Variants in SLC22A8 observed in about 807,000 individuals in gnomAD.
SLC22A8 encodes the protein solute carrier family 22 member 8, also known as organic anion transporter 3.
Under a neutral mutation model 48.4 loss-of-function variants are expected in SLC22A8, and 40 were observed. The observed-to-expected ratio is 0.83, with a 90% CI of 0.64 to 1.08. The LOEUF (loss-of-function observed/expected upper bound fraction) is 1.08, where lower values mean the gene tolerates loss of function less well. Among genes scored for constraint, SLC22A8 ranks in the 50% least tolerant of loss-of-function variants. SLC22A8 has a pLI of 0.00. For missense variants in SLC22A8, 606 were observed against 699.0 expected, an observed-to-expected ratio of 0.87 and a Z score of 1.50; for synonymous variants, 268 against 286.3, an observed-to-expected ratio of 0.94 and a Z score of 0.65.
intron 2 of SLC22A8, among the ~76,000 whole-genome samples, chr11:63,007,734 G>A (rs535767037): frequency 6.6e-6 from 1 of 152,224 alleles, no homozygotes; most frequent in Non-Finnish European, 1.5e-5. Context: ...ATGCCTTTCT[G>A]TATGGGCTGA....
At position 62,999,818 on chromosome 11, in the gene SLC22A8, G is replaced by A. The variant is rs1590692721; in HGVS notation, c.462C>T (p.Thr154=). 2 of 1,592,024 alleles carry A rather than the reference G, an allele frequency of 1.3e-6. No homozygotes were observed. Among genetic ancestry groups the A allele is most frequent in the East Asian group, 4.6e-5 (2 of 43,540 alleles). The part of the protein sequence containing the change: ...SDRFGRRPIL[T]CSYLLLAASG... ...TGGCTGCCAGCAGCAGGTAGCTGCAGGTCAGGATGGGCCTGCGGCCAAACC... is the reference window on the plus strand; with the variant it reads ...TGGCTGCCAGCAGCAGGTAGCTGCAAGTCAGGATGGGCCTGCGGCCAAACC... The change falls in exon 4 of 11, where the codon ACC becomes ACT. Residue 154 remains threonine, a synonymous_variant. Coordinates refer to ENST00000336232, the MANE Select transcript of SLC22A8 (RefSeq NM_004254.4).
chr11:62,993,024 TG>T lies in SLC22A8; in HGVS notation c.*212del. 3.5e-6 allele frequency: 2 copies of T among 578,764 alleles called. No homozygotes were observed. The highest frequency in any genetic ancestry group is 4.5e-5 in the South Asian group (2 of 44,212). 35.9% of individuals were successfully genotyped at this position (578,764 alleles called of 1,614,324 possible). A position where few individuals can be genotyped will look rare whatever the true frequency, so the allele number is the denominator to read the frequency against. On this transcript the variant is annotated 3_prime_UTR_variant, in exon 11 of 11. Coordinates refer to ENST00000336232, the MANE Select transcript of SLC22A8 (RefSeq NM_004254.4). ...GGCTAGACAGAAGAATGGCAGGGCCTGGGTTGCAGGGAGAACAAGGGCAGGG... is the reference window on the plus strand; with the variant it reads ...GGCTAGACAGAAGAATGGCAGGGCCTGGTTGCAGGGAGAACAAGGGCAGGG...
chr11:63,001,437 C>T (rs1489826316), intron 2 of SLC22A8, among the ~76,000 whole-genome samples: 1 of 152,196 alleles, frequency 6.6e-6, no homozygotes, highest in Non-Finnish European at 1.5e-5. Flanking sequence ...CACTTCTGCC[C>T]CCAACCCATC....
intron 8 of SLC22A8, 21 bp downstream of exon 8, chr11:62,994,520 TG>T: frequency 6.4e-7 from 1 of 1,565,892 alleles, no homozygotes; most frequent in Non-Finnish European, 8.7e-7. Context: ...CAGAGGGTTC[TG>T]GGGTAGCCCC....
chr11:63,003,050 C>T (rs1367860010), intron 2 of SLC22A8, among the ~76,000 whole-genome samples: 2 of 152,164 alleles, frequency 1.3e-5, no homozygotes, highest in East Asian at 3.9e-4. Flanking sequence ...CCTGTCTTGC[C>T]TAAAGTGCTC....
At position 63,014,663 on chromosome 11, in the gene SLC22A8, C is replaced by T. The variant is rs928963210; in HGVS notation, c.296G>A (p.Trp99Ter). 1.9e-6 allele frequency: 3 copies of T among 1,609,946 alleles called. No individual in the cohort carries two copies. The highest frequency in any genetic ancestry group is 2.2e-5 in the East Asian group (1 of 44,760). The part of the protein sequence containing the change: ...QRAMEPCLDG[W>*]VYNSTKDSIV... ...GGAGTCCTTGGTGCTGTTGTAGACC[C>T]AGCCATCCAGGCATGGCTCCATGGC... The change falls in exon 2 of 11, where the codon TGG becomes TAG. Residue 99 changes from tryptophan to a stop codon, truncating the protein, a stop_gained. Coordinates refer to ENST00000336232, the MANE Select transcript of SLC22A8 (RefSeq NM_004254.4). LOFTEE classifies it high-confidence loss of function.
rs896974322 is a variant in SLC22A8, at chr11:62,993,817, G to A, written c.1278C>T (p.Phe426=). Residue 426 remains phenylalanine (F), a synonymous_variant, in exon 9 of 11, where the codon TTC becomes TTT. Transcript: ENST00000336232. ...CACTTGTGTAGAGGAAGAGGCAGCTGAAGGAGCTGGATAGGCATCCCTTCC... is the reference window on the plus strand; with the variant it reads ...CACTTGTGTAGAGGAAGAGGCAGCTAAAGGAGCTGGATAGGCATCCCTTCC... ...VFGKGCLSSS[F]SCLFLYTSEL... is the part of the protein sequence containing the mutation. The A allele has an allele frequency of 6.2e-7, 1 of 1,613,840 alleles. No individual in the cohort carries two copies.
Position 62,992,900 on chromosome 11 carries a change from C to T in SLC22A8, c.*337G>A. 2 of 319,180 alleles carry T rather than the reference C, an allele frequency of 6.3e-6. No homozygotes were observed. Among genetic ancestry groups the T allele is most frequent in the Non-Finnish European group, 1.1e-5 (2 of 174,232 alleles). The allele number at this position is 319,180 out of a possible 1,614,324, so 19.8% of individuals were successfully genotyped here. A position where few individuals can be genotyped will look rare whatever the true frequency, so the allele number is the denominator to read the frequency against. On this transcript the variant is annotated 3_prime_UTR_variant, in exon 11 of 11. Coordinates refer to ENST00000336232, the MANE Select transcript of SLC22A8 (RefSeq NM_004254.4). Reference sequence around the variant, plus strand: ...AGGCAAGAAGGGGAGGACTTCTCATCTTGTTAAGACTCAGTCTTGTTAGGA... The same window carrying T: ...AGGCAAGAAGGGGAGGACTTCTCATTTTGTTAAGACTCAGTCTTGTTAGGA...
At chr11:63,012,936 G>A (rs930552840) in intron 2 of SLC22A8, among the ~76,000 whole-genome samples, 1 of 152,134 alleles carries the variant, frequency 6.6e-6, no homozygotes, top group Non-Finnish European at 1.5e-5. Flanking sequence ...ATGACAGGGA[G>A]GAGATATAAT....
intron 2 of SLC22A8, among the ~76,000 whole-genome samples, chr11:63,006,519 C>T (rs1260755692): frequency 6.7e-6 from 1 of 149,944 alleles, no homozygotes; most frequent in East Asian, 2.0e-4. Flanking sequence ...TATTACATGG[C>T]ATTCTAACTG....
At chr11:63,006,595 G>GTTTTTTGTTTTTTTTTTTTTTT (rs2086557443) in intron 2 of SLC22A8, among the ~76,000 whole-genome samples, 2 of 51,402 alleles carry the variant, frequency 3.9e-5, no homozygotes, top group South Asian at 2.1e-3. Context: ...TCTCATTTGA[G>GTTTTTTGTTTTTTTTTTTTTTT]TTTTTTTTTT....
chr11:63,015,365 T>C (rs1456084143), intron 1 of SLC22A8, among the ~76,000 whole-genome samples: 2 of 152,210 alleles, frequency 1.3e-5, no homozygotes, highest in African/African-American at 4.8e-5. Context: ...GCTAGGCTGG[T>C]TGCACATGCT....
chr11:63,012,333 C>T (rs1049121542), intron 2 of SLC22A8, among the ~76,000 whole-genome samples: 3 of 152,232 alleles, frequency 2.0e-5, no homozygotes, highest in South Asian at 2.1e-4. Flanking sequence ...CCTCCTTCCC[C>T]GCCACTCTTC....
intron 2 of SLC22A8, among the ~76,000 whole-genome samples, chr11:63,001,963 C>T (rs2086500596): frequency 6.6e-6 from 1 of 152,024 alleles, no homozygotes; most frequent in African/African-American, 2.4e-5. Flanking sequence ...CTCACTCTGT[C>T]ACCCAGGCTG....
intron 2 of SLC22A8, among the ~76,000 whole-genome samples, chr11:63,005,096 G>A (rs1037423907): frequency 1.3e-5 from 2 of 152,184 alleles, no homozygotes; most frequent in African/African-American, 4.8e-5. Context: ...ATGACATTTA[G>A]AAGCTTGGAA....
intron 2 of SLC22A8, among the ~76,000 whole-genome samples, chr11:63,011,039 G>A (rs1176233983): frequency 1.3e-5 from 2 of 152,184 alleles, no homozygotes; most frequent in African/African-American, 4.8e-5. Context: ...GGTGAGAGAG[G>A]CACAGTCTCT....
At chr11:63,006,574 G>T (rs1269070103) in intron 2 of SLC22A8, among the ~76,000 whole-genome samples, 1 of 140,462 alleles carries the variant, frequency 7.1e-6, no homozygotes, top group Non-Finnish European at 1.5e-5. Context: ...TCTTGCTGAG[G>T]ACTGAGAATG....
intron 2 of SLC22A8, 47 bp downstream of exon 2, chr11:63,014,579 A>C: frequency 3.1e-5 from 45 of 1,441,504 alleles, no homozygotes; most frequent in Non-Finnish European, 4.0e-5. Flanking sequence ...GGTGCAGGGT[A>C]TGGGGGTACG....
At chr11:63,007,572 C>T (rs2086570254) in intron 2 of SLC22A8, among the ~76,000 whole-genome samples, 1 of 152,204 alleles carries the variant, frequency 6.6e-6, no homozygotes, top group South Asian at 2.1e-4. Flanking sequence ...GGTGATCCAC[C>T]TGCCTCAGCC....
Sources: allele counts gnomAD v4.1 joint callset (sites outside exome capture counted in the v4.1 genomes callset), GRCh38; gene constraint gnomAD v4.1.1; transcripts MANE v1.5; gene names NCBI Gene and HGNC (gene_info 2026-07-23, HGNC 2026-07-21).